The following KCTD8 variants were observed in gnomAD, a reference collection of about 807,000 sequenced individuals.
KCTD8 encodes BTB/POZ domain-containing protein KCTD8.
KCTD8 carries 27 observed loss-of-function variants against 31.5 expected under a neutral mutation model. The observed-to-expected ratio is 0.86, with a 90% CI of 0.63 to 1.18. The LOEUF (loss-of-function observed/expected upper bound fraction) is 1.18, where lower values mean the gene tolerates loss of function less well. Ranked by LOEUF, KCTD8 falls within the 50% of genes most tolerant of loss-of-function variation. The pLI is 0.00. For synonymous variants in KCTD8, 290 were observed against 280.0 expected (o/e 1.04, Z -0.36); for missense variants, 658 against 647.7 (o/e 1.02, Z -0.17).
chr4:44,198,224 A>G (rs1714008531), intron 1 of KCTD8, among the ~76,000 whole-genome samples: 1 of 152,186 alleles, frequency 6.6e-6, no homozygotes, highest in Non-Finnish European at 1.5e-5. Context: ...CAATCTGAAA[A>G]ACATATTTGA....
chr4:44,356,903 C>A (rs1474041898), intron 1 of KCTD8, among the ~76,000 whole-genome samples: 1 of 152,084 alleles, frequency 6.6e-6, no homozygotes, highest in African/African-American at 2.4e-5. Flanking sequence ...GACCATCATG[C>A]CTATGACATA....
chr4:44,308,473 A>G (rs1717866635), intron 1 of KCTD8, among the ~76,000 whole-genome samples: 1 of 152,116 alleles, frequency 6.6e-6, no homozygotes, highest in South Asian at 2.1e-4. Context: ...TAAATAGGAA[A>G]GCAGCAAGTA....
At chr4:44,223,047 G>A (rs1396721630) in intron 1 of KCTD8, among the ~76,000 whole-genome samples, 2 of 152,172 alleles carry the variant, frequency 1.3e-5, no homozygotes, top group African/African-American at 4.8e-5. Flanking sequence ...GAGAATGCAA[G>A]AAGGGCAATA....
At chr4:44,260,695 A>T (rs932101050) in intron 1 of KCTD8, among the ~76,000 whole-genome samples, 2 of 151,940 alleles carry the variant, frequency 1.3e-5, no homozygotes, top group East Asian at 1.9e-4. Flanking sequence ...CAACAAAAAG[A>T]TCAAGGTGGC....
intron 1 of KCTD8, chr4:44,293,825 A>C (rs1436610171): frequency 4.4e-6 from 2 of 453,436 alleles, no homozygotes; most frequent in Admixed American, 4.7e-5. Context: ...AGACATCGTC[A>C]GAGAACCTGT....
chr4:44,300,913 G>C (rs993185012), intron 1 of KCTD8, among the ~76,000 whole-genome samples: 1 of 130,342 alleles, frequency 7.7e-6, no homozygotes, highest in Admixed American at 9.8e-5. Context: ...TCCCCTTCCT[G>C]TGTCCATATG....
intron 1 of KCTD8, among the ~76,000 whole-genome samples, chr4:44,409,129 A>G (rs1720892791): frequency 6.6e-6 from 1 of 151,526 alleles, no homozygotes; most frequent in Admixed American, 6.6e-5. Context: ...TGTAATCCCA[A>G]CTGTTCAGGA....
intron 1 of KCTD8, among the ~76,000 whole-genome samples, chr4:44,395,296 C>T (rs2109452762): frequency 6.6e-6 from 1 of 152,168 alleles, no homozygotes; most frequent in East Asian, 1.9e-4. Flanking sequence ...TTCCAGGAAG[C>T]AGTTTCACAT....
chr4:44,408,736 A>T (rs560620465), intron 1 of KCTD8, among the ~76,000 whole-genome samples: 1 of 152,172 alleles, frequency 6.6e-6, no homozygotes, highest in Non-Finnish European at 1.5e-5. Flanking sequence ...CCTCTGCCTC[A>T]GCCTCCCAAG....
intron 1 of KCTD8, among the ~76,000 whole-genome samples, chr4:44,346,080 G>C (rs1312849069): frequency 6.6e-6 from 1 of 152,170 alleles, no homozygotes; most frequent in African/African-American, 2.4e-5. Context: ...GAAACAGTAT[G>C]AATATTGTTA....
chr4:44,421,688 T>C (rs1721215872), intron 1 of KCTD8, among the ~76,000 whole-genome samples: 1 of 152,098 alleles, frequency 6.6e-6, no homozygotes, highest in African/African-American at 2.4e-5. Flanking sequence ...AATTACAACA[T>C]ATGCACCATA....
At chr4:44,201,735 C>T (rs1004508893) in intron 1 of KCTD8, among the ~76,000 whole-genome samples, 18 of 152,138 alleles carry the variant, frequency 1.2e-4, no homozygotes, top group African/African-American at 4.3e-4. Context: ...TTGATATAAG[C>T]TTTGGCAACA....
intron 1 of KCTD8, among the ~76,000 whole-genome samples, chr4:44,415,822 G>A (rs1486126976): frequency 6.6e-6 from 1 of 152,214 alleles, no homozygotes; most frequent in Non-Finnish European, 1.5e-5. Flanking sequence ...TGTTACAGGG[G>A]TGAAGCACCC....
At chr4:44,361,246 A>G (rs372430715) in intron 1 of KCTD8, among the ~76,000 whole-genome samples, 3 of 152,216 alleles carry the variant, frequency 2.0e-5, no homozygotes, top group South Asian at 4.1e-4. Flanking sequence ...TCTTGTCAGA[A>G]CTGGTTTAAG....
At chr4:44,335,123 A>C (rs1403091495) in intron 1 of KCTD8, among the ~76,000 whole-genome samples, 1 of 152,176 alleles carries the variant, frequency 6.6e-6, no homozygotes, top group Admixed American at 6.5e-5. Flanking sequence ...AAAGTTACAT[A>C]TAACAGATGT....
chr4:44,443,899 C>A (rs1157307396), intron 1 of KCTD8, among the ~76,000 whole-genome samples: 1 of 152,050 alleles, frequency 6.6e-6, no homozygotes, highest in Non-Finnish European at 1.5e-5. Flanking sequence ...TTGCTAAAGG[C>A]AGCCACAATG....
chr4:44,209,496 AT>A (rs1309673253), intron 1 of KCTD8, among the ~76,000 whole-genome samples: 3 of 151,240 alleles, frequency 2.0e-5, no homozygotes, highest in African/African-American at 7.3e-5. Context: ...AGCTACACAC[AT>A]ACACACACAC....
At position 44,299,487 on chromosome 4, in the gene KCTD8, T is replaced by C. The variant is rs562110460; in HGVS notation, c.962-124237A>G. 9.2e-5 allele frequency among the ~76,000 whole-genome samples: 14 copies of C among 152,208 alleles called. No homozygotes were observed. In the South Asian group the frequency reaches 2.7e-3, roughly 29 times the overall value. ...GGCTCACGCCTGTAATCCCAGCACT[T>C]TGGGAGGCCAAGGCAGGCGGATCAC... On this transcript the variant is annotated intron_variant, in intron 1 of 1. Coordinates refer to ENST00000360029, the MANE Select transcript of KCTD8 (RefSeq NM_198353.3).
At chr4:44,405,817 CAA>C (rs903559298) in intron 1 of KCTD8, among the ~76,000 whole-genome samples, 80 of 32,240 alleles carry the variant, frequency 2.5e-3, no homozygotes, top group African/African-American at 9.8e-3. Context: ...TCCTGTTTCT[CAA>C]AAAAAAAAAA....
Sources: gnomAD v4.1 joint callset for allele counts (sites outside exome capture counted in the v4.1 genomes callset) on GRCh38, gnomAD v4.1.1 for gene constraint, MANE v1.5 for transcripts, NCBI Gene and HGNC (gene_info 2026-07-23, HGNC 2026-07-21) for gene names.